The following SLAMF7 variants were observed in gnomAD, a reference collection of about 807,000 sequenced individuals.
SLAMF7 encodes the protein SLAM family member 7, also known as 19A24 protein.
Under a neutral mutation model 34.1 loss-of-function variants are expected in SLAMF7, and 26 were observed. The observed-to-expected ratio is 0.76, with a 90% CI of 0.56 to 1.06. The LOEUF (loss-of-function observed/expected upper bound fraction) is 1.06, where lower values mean the gene tolerates loss of function less well. Ranked by LOEUF, SLAMF7 falls within the 50% of genes least tolerant of loss-of-function variation. SLAMF7 has a pLI of 0.00. For synonymous variants in SLAMF7, 171 were observed against 156.4 expected, an observed-to-expected ratio of 1.09 and a Z score of -0.70; for missense variants, 399 against 402.5, an observed-to-expected ratio of 0.99 and a Z score of 0.07.
chr1:160,739,974 TC>T (rs1382511087), intron 1 of SLAMF7, among the ~76,000 whole-genome samples: 3 of 152,136 alleles, frequency 2.0e-5, no homozygotes, highest in Non-Finnish European at 4.4e-5. Flanking sequence ...GATTTTTCTA[TC>T]CTAAGGGCTC....
chr1:160,745,108 A>T (rs1664025508), intron 1 of SLAMF7, among the ~76,000 whole-genome samples: 1 of 152,226 alleles, frequency 6.6e-6, no homozygotes, highest in African/African-American at 2.4e-5. Context: ...AGCTCCTAAA[A>T]GATACATACC....
intron 5 of SLAMF7, 82 bp from the exon 6 acceptor site, chr1:160,752,104 A>G: frequency 8.7e-7 from 1 of 1,150,996 alleles, no homozygotes; most frequent in Non-Finnish European, 1.3e-6. Context: ...CCCTCTCTGG[A>G]TTCTGAATGT....
At chr1:160,750,132 G>T (rs373509251) in intron 3 of SLAMF7, 39 bp downstream of exon 3, 18 of 1,599,808 alleles carry the variant, frequency 1.1e-5, no homozygotes, top group Non-Finnish European at 1.5e-5. Context: ...ACTCTGCCCA[G>T]GTCCTACACC....
At chr1:160,745,532 G>A (rs115247242) in intron 1 of SLAMF7, among the ~76,000 whole-genome samples, 2,026 of 152,270 alleles carry the variant, frequency 0.013, 39 homozygotes, top group African/African-American at 0.046. Flanking sequence ...TGTTGTTGTC[G>A]TTGTTTGAAT....
chr1:160,751,270 A>G, intron 4 of SLAMF7, 75 bp from the exon 5 acceptor site: 2 of 1,104,802 alleles, frequency 1.8e-6, no homozygotes, highest in Non-Finnish European at 2.8e-6. Flanking sequence ...TGGGTCATCC[A>G]GGAGAAATGG....
chr1:160,744,455 T>C (rs1663981321), intron 1 of SLAMF7, among the ~76,000 whole-genome samples: 2 of 152,220 alleles, frequency 1.3e-5, no homozygotes, highest in Admixed American at 1.3e-4. Context: ...TATAGGCTCA[T>C]GTTGGTAATT....
chr1:160,748,157 G>C, intron 1 of SLAMF7, 37 bp from the exon 2 acceptor site: 1 of 1,593,402 alleles, frequency 6.3e-7, no homozygotes, highest in Non-Finnish European at 8.6e-7. Flanking sequence ...ACAAGGACAG[G>C]GAATCAGGCT....
At chr1:160,748,762 G>A (rs1664328877) in intron 2 of SLAMF7, among the ~76,000 whole-genome samples, 1 of 152,210 alleles carries the variant, frequency 6.6e-6, no homozygotes, top group South Asian at 2.1e-4. Flanking sequence ...AAGGTCAAAT[G>A]CTGGCTTCTT....
intron 3 of SLAMF7, 94 bp downstream of exon 3, chr1:160,750,187 C>T (rs1418442357): frequency 1.3e-6 from 2 of 1,573,756 alleles, no homozygotes; most frequent in East Asian, 4.5e-5. Context: ...TGTATGGAAA[C>T]TGGAGGCCGC....
At position 160,748,191 on chromosome 1, in the gene SLAMF7, T is replaced by C. The variant is rs1664281531; in HGVS notation, c.56-3T>C. 4.3e-6 allele frequency: 7 copies of C among 1,613,030 alleles called. No homozygotes were observed. Among genetic ancestry groups the C allele is most frequent in the Non-Finnish European group, 5.9e-6 (7 of 1,179,490 alleles). The stretch of plus-strand genomic sequence containing the variant: ...CTTATTTTATGGTTCTCTGTGTTTA[T>C]AGGGTCAGCAGCCTCTGGACCCGTG... On this transcript the variant is annotated splice_polypyrimidine_tract_variant and splice_region_variant and intron_variant, in intron 1 of 6. Transcript: ENST00000368043.
At position 160,748,162 on chromosome 1, in the gene SLAMF7, C is replaced by T. The variant is rs773247513; in HGVS notation, c.56-32C>T. On this transcript the variant is annotated intron_variant, in intron 1 of 6. Coordinates refer to ENST00000368043, the MANE Select transcript of SLAMF7 (RefSeq NM_021181.5). ...GTAATTGGTGACAAGGACAGGGAAT[C>T]AGGCTTATTTTATGGTTCTCTGTGT... 3.8e-5 allele frequency: 60 copies of T among 1,599,718 alleles called. 1 individual carries two copies. In the South Asian group the frequency reaches 6.0e-4, roughly 16 times the overall value.
At chr1:160,752,346 C>T (rs541899487) in intron 6 of SLAMF7, 98 bp downstream of exon 6, 5 of 904,940 alleles carry the variant, frequency 5.5e-6, no homozygotes, top group East Asian at 5.0e-5. Flanking sequence ...ATCTCATACT[C>T]TCTAGAATTA....
At chr1:160,752,754 G>T (rs1664739571) in intron 6 of SLAMF7, among the ~76,000 whole-genome samples, 1 of 152,214 alleles carries the variant, frequency 6.6e-6, no homozygotes, top group Admixed American at 6.5e-5. Flanking sequence ...ACGGTTGGCA[G>T]CAGTAATGGT....
rs1571124539 is a variant in SLAMF7, at chr1:160,750,040, A to T, written c.596A>T (p.Asn199Ile). 6.2e-7 allele frequency: 1 copy of T among 1,614,124 alleles called. No homozygotes were observed. The highest frequency in any genetic ancestry group is 2.2e-5 in the East Asian group (1 of 44,882). The change falls in exon 3 of 7, where the codon AAC becomes ATC. Residue 199 changes from asparagine to isoleucine, a missense_variant. Asn to Ile is a moderately radical substitution (Grantham distance 149, BLOSUM62 -3). Transcript: ENST00000368043. ...SDMTFICVAR[N>I]PVSRNFSSPI... is the part of the protein sequence containing the mutation. ...ATGACCTTCATCTGCGTTGCCAGGA[A>T]CCCTGTCAGCAGAAACTTCTCAAGC...
In SLAMF7 at chr1:160,748,408, G is replaced by C. The variant is rs1181201824; in HGVS notation, c.270G>C (p.Leu90=). The change falls in exon 2 of 7, where the codon CTG becomes CTC. Residue 90 remains leucine (L), a synonymous_variant. Coordinates refer to ENST00000368043, the MANE Select transcript of SLAMF7 (RefSeq NM_021181.5). ...ACTTCCCAGATGGAGGCTACTCCCT[G>C]AAGCTCAGCAAACTGAAGAAGAATG... ...RVDFPDGGYS[L]KLSKLKKNDS... is the part of the protein sequence containing the mutation. 1.9e-6 allele frequency: 3 copies of C among 1,613,988 alleles called. No individual in the cohort carries two copies. Among genetic ancestry groups the C allele is most frequent in the Admixed American group, 3.3e-5 (2 of 60,000 alleles).
intron 1 of SLAMF7, among the ~76,000 whole-genome samples, chr1:160,746,862 G>GTAGC (rs1394286030): frequency 6.6e-6 from 1 of 152,138 alleles, no homozygotes; most frequent in Admixed American, 6.5e-5. Flanking sequence ...GACGTGCACA[G>GTAGC]TAGCTATACA....
intron 5 of SLAMF7, 125 bp downstream of exon 5, chr1:160,751,573 C>A: frequency 1.4e-6 from 1 of 718,230 alleles, no homozygotes; most frequent in Non-Finnish European, 2.4e-6. Context: ...ACTTAAAACT[C>A]AATGCACCTG....
intron 1 of SLAMF7, among the ~76,000 whole-genome samples, chr1:160,742,659 G>A (rs1291043069): frequency 6.6e-6 from 1 of 152,148 alleles, no homozygotes; most frequent in Non-Finnish European, 1.5e-5. Context: ...TCTCGTATGA[G>A]GGTTCAGAAA....
intron 1 of SLAMF7, among the ~76,000 whole-genome samples, chr1:160,742,790 C>T (rs1048104763): frequency 3.3e-5 from 5 of 152,162 alleles, no homozygotes; most frequent in African/African-American, 1.2e-4. Context: ...GGAAAGTCAC[C>T]CCACTTCTCA....
Sources: gnomAD v4.1 joint callset for allele counts (sites outside exome capture counted in the v4.1 genomes callset) on GRCh38, gnomAD v4.1.1 for gene constraint, MANE v1.5 for transcripts, NCBI Gene and HGNC (gene_info 2026-07-23, HGNC 2026-07-21) for gene names.